The following CDH18 variants were observed in gnomAD, a reference collection of about 807,000 sequenced individuals.
CDH18 encodes the protein cadherin-18.
Under a neutral mutation model 67.9 loss-of-function variants are expected in CDH18, and 31 were observed. The ratio of observed to expected loss-of-function variants is 0.46; its 90% CI spans 0.34 to 0.62. CDH18 has a LOEUF of 0.62. Ranked by LOEUF, CDH18 falls within the 20% of genes least tolerant of loss-of-function variation. The probability of loss-of-function intolerance (pLI) is 0.01; values close to 1 mark genes in which losing one functional copy is unlikely to be tolerated. For missense variants in CDH18, 890 were observed against 975.5 expected (o/e 0.91, Z 1.17); for synonymous variants, 362 against 347.2 (o/e 1.04, Z -0.48).
In CDH18 at chr5:19,599,614, CAG is replaced by C. The variant is rs1413825179; in HGVS notation, c.812-8372_812-8371del. Among the ~76,000 whole-genome samples, 3 of 152,140 alleles carry C rather than the reference CAG, an allele frequency of 2.0e-5. No individual in the cohort carries two copies. In the East Asian group the frequency reaches 5.8e-4, roughly 30 times the overall value. ...GCAGTAAAGAGTGACTAAAAAAACACAGAGCCGGCCAGGCGTGGTGGCTCACG... is the reference window on the plus strand; with the variant it reads ...GCAGTAAAGAGTGACTAAAAAAACACAGCCGGCCAGGCGTGGTGGCTCACG... On this transcript the variant is annotated intron_variant, in intron 6 of 12. Transcript: ENST00000382275.
intron 2 of CDH18, among the ~76,000 whole-genome samples, chr5:19,882,008 C>T (rs1212952157): frequency 2.0e-5 from 3 of 151,952 alleles, no homozygotes; most frequent in Non-Finnish European, 2.9e-5. Context: ...TTGAAAATCT[C>T]GACTTAGATG....
At position 19,928,990 on chromosome 5, in the gene CDH18, A is replaced by G. The variant is rs1183291074; in HGVS notation, c.-257+52070T>C. 8.5e-5 allele frequency among the ~76,000 whole-genome samples: 13 copies of G among 152,104 alleles called. No individual in the cohort carries two copies. In the East Asian group the frequency reaches 2.5e-3, roughly 29 times the overall value. ...TGTTTTTCAGATTTTGGCCACACAT[A>G]CACATCGTTTTCATCCTTAATTACA... On this transcript the variant is annotated intron_variant, in intron 2 of 12. Coordinates refer to ENST00000382275, the MANE Select transcript of CDH18 (RefSeq NM_004934.5).
intron 10 of CDH18, among the ~76,000 whole-genome samples, chr5:19,515,568 C>G (rs937075715): frequency 6.6e-6 from 1 of 152,108 alleles, no homozygotes; most frequent in African/African-American, 2.4e-5. Flanking sequence ...TCCTTCACAT[C>G]CCTTTTAAGT....
At chr5:20,387,856 T>G (rs1744443539) in intron 1 of CDH18, among the ~76,000 whole-genome samples, 1 of 152,206 alleles carries the variant, frequency 6.6e-6, no homozygotes, top group South Asian at 2.1e-4. Context: ...TCTGTTTATA[T>G]GCTGGATTAT....
intron 6 of CDH18, among the ~76,000 whole-genome samples, chr5:19,605,132 C>G (rs1747826647): frequency 6.6e-6 from 1 of 151,800 alleles, no homozygotes; most frequent in South Asian, 2.1e-4. Flanking sequence ...TTATAGTACA[C>G]AACCACATAG....
intron 11 of CDH18, among the ~76,000 whole-genome samples, chr5:19,500,272 G>T (rs1371150965): frequency 6.6e-6 from 1 of 151,976 alleles, no homozygotes; most frequent in Non-Finnish European, 1.5e-5. Context: ...CAGTTTGGTA[G>T]GGCTATTTTA....
chr5:19,537,721 T>C (rs1362466423), intron 9 of CDH18, among the ~76,000 whole-genome samples: 1 of 151,366 alleles, frequency 6.6e-6, no homozygotes, highest in Admixed American at 6.6e-5. Flanking sequence ...GCAGTAATTT[T>C]CCATAATGCA....
At chr5:20,068,781 G>A (rs1043567815) in intron 2 of CDH18, among the ~76,000 whole-genome samples, 1 of 152,090 alleles carries the variant, frequency 6.6e-6, no homozygotes, top group African/African-American at 2.4e-5. Flanking sequence ...TTTTTGGATA[G>A]AGCACATCAT....
intron 2 of CDH18, among the ~76,000 whole-genome samples, chr5:19,995,903 G>A (rs759904785): frequency 3.9e-5 from 6 of 151,904 alleles, no homozygotes; most frequent in Non-Finnish European, 7.4e-5. Flanking sequence ...ACATTTTGGC[G>A]CTATGTAATG....
chr5:20,352,162 T>C (rs1741233892), intron 1 of CDH18, among the ~76,000 whole-genome samples: 1 of 152,228 alleles, frequency 6.6e-6, no homozygotes, highest in African/African-American at 2.4e-5. Context: ...GATTTTCTTC[T>C]GCTTCTGCAA....
At chr5:20,137,303 A>C (rs1749815207) in intron 2 of CDH18, among the ~76,000 whole-genome samples, 1 of 151,582 alleles carries the variant, frequency 6.6e-6, no homozygotes, top group Non-Finnish European at 1.5e-5. Context: ...TTTTCTCTAA[A>C]CTTCTCTTCT....
intron 2 of CDH18, among the ~76,000 whole-genome samples, chr5:20,030,741 T>C (rs967625515): frequency 5.3e-5 from 8 of 152,122 alleles, no homozygotes; most frequent in African/African-American, 1.9e-4. Flanking sequence ...TTGTATAATA[T>C]TAGGAATTAC....
intron 2 of CDH18, among the ~76,000 whole-genome samples, chr5:19,926,158 A>C (rs1793061746): frequency 6.6e-6 from 1 of 152,140 alleles, no homozygotes; most frequent in Non-Finnish European, 1.5e-5. Flanking sequence ...ATTGCATATA[A>C]GTTGACCATA....
chr5:20,080,666 G>C (rs1483209506), intron 2 of CDH18, among the ~76,000 whole-genome samples: 6 of 151,916 alleles, frequency 3.9e-5, no homozygotes, highest in African/African-American at 1.5e-4. Flanking sequence ...TTTGAAAGTA[G>C]TAAAACAAAC....
chr5:20,282,780 CA>C (rs1311772410), intron 1 of CDH18, among the ~76,000 whole-genome samples: 1 of 151,996 alleles, frequency 6.6e-6, no homozygotes, highest in African/African-American at 2.4e-5. Flanking sequence ...GAAATAAAAA[CA>C]ATCCTAAAGT....
intron 2 of CDH18, among the ~76,000 whole-genome samples, chr5:19,855,115 G>A (rs553297592): frequency 6.6e-6 from 1 of 152,052 alleles, no homozygotes; most frequent in Non-Finnish European, 1.5e-5. Context: ...TATTGACTAG[G>A]TGTGTCCTAG....
At chr5:20,478,272 T>C (rs1266144446) in intron 1 of CDH18, among the ~76,000 whole-genome samples, 1 of 152,026 alleles carries the variant, frequency 6.6e-6, no homozygotes, top group East Asian at 1.9e-4. Flanking sequence ...AGCTTGGCCA[T>C]AGTGGGGGAG....
intron 2 of CDH18, among the ~76,000 whole-genome samples, chr5:20,255,029 C>A (rs577322304): frequency 1.4e-4 from 21 of 152,106 alleles, no homozygotes; most frequent in African/African-American, 3.4e-4. Flanking sequence ...ACAACAACAA[C>A]AAAAAACAAA....
chr5:19,852,810 G>A (rs1013795818), intron 2 of CDH18, among the ~76,000 whole-genome samples: 4 of 151,954 alleles, frequency 2.6e-5, no homozygotes, highest in Non-Finnish European at 5.9e-5. Flanking sequence ...CTGGTTTCTA[G>A]GAATCCATTT....
Sources: allele counts gnomAD v4.1 joint callset (sites outside exome capture counted in the v4.1 genomes callset), GRCh38; gene constraint gnomAD v4.1.1; transcripts MANE v1.5; gene names NCBI Gene and HGNC (gene_info 2026-07-23, HGNC 2026-07-21).